The following TXK variants were observed in gnomAD, a reference collection of about 807,000 sequenced individuals.
TXK encodes tyrosine-protein kinase TXK.
In TXK, 60 loss-of-function variants were observed where a neutral mutation model predicts 81.0. The ratio of observed to expected loss-of-function variants is 0.74; its 90% CI spans 0.60 to 0.92. TXK has a LOEUF of 0.92. Ranked by LOEUF, TXK falls within the 40% of genes least tolerant of loss-of-function variation. TXK has a pLI of 0.00. For synonymous variants in TXK, 203 were observed against 210.7 expected (o/e 0.96, Z 0.32); for missense variants, 581 against 638.3 (o/e 0.91, Z 0.97).
chr4:48,079,056 T>A (rs1298966049), intron 11 of TXK, among the ~76,000 whole-genome samples: 1 of 152,248 alleles, frequency 6.6e-6, no homozygotes, highest in Non-Finnish European at 1.5e-5. Context: ...CTTACTTGGC[T>A]ATGAAATCTC....
At chr4:48,099,426 TC>T (rs1188082620) in intron 6 of TXK, among the ~76,000 whole-genome samples, 2 of 152,214 alleles carry the variant, frequency 1.3e-5, no homozygotes, top group African/African-American at 4.8e-5. Flanking sequence ...TTAATTTTTT[TC>T]TATATGAATA....
At chr4:48,090,401 G>T (rs1178913351) in intron 8 of TXK, among the ~76,000 whole-genome samples, 1 of 152,144 alleles carries the variant, frequency 6.6e-6, no homozygotes, top group Admixed American at 6.5e-5. Flanking sequence ...GTGTTGAAGT[G>T]TGCCCATTTT....
Position 48,104,988 on chromosome 4 carries a change from T to G in TXK, c.447-33A>C, listed in dbSNP as rs760831346. ...AGCAATAAAAATGATTTTTAAATTT[T>G]ATATTCAATTTTTTTAAGAAAAAAG... On this transcript the variant is annotated intron_variant, in intron 5 of 14. Coordinates refer to ENST00000264316, the MANE Select transcript of TXK (RefSeq NM_003328.3). The G allele has an allele frequency of 2.0e-6, 3 of 1,491,706 alleles. No individual in the cohort carries two copies. In the African/African-American group the frequency reaches 4.3e-5, roughly 21 times the overall value. The allele number at this position is 1,491,706 out of a possible 1,614,324, so 92.4% of individuals were successfully genotyped here. A position where few individuals can be genotyped will look rare whatever the true frequency, so the allele number is the denominator to read the frequency against.
intron 6 of TXK, among the ~76,000 whole-genome samples, chr4:48,103,204 C>G (rs35067106): frequency 2.6e-5 from 4 of 152,046 alleles, no homozygotes; most frequent in African/African-American, 4.8e-5. Flanking sequence ...TGAATCTGCA[C>G]AGCCCAGTGA....
Position 48,095,146 on chromosome 4 carries a change from C to A in TXK, c.578G>T (p.Arg193Ile). ...SYTISVFMGARRSTEAAIKHY... is the reference protein window; with the variant it reads ...SYTISVFMGAIRSTEAAIKHY... Reference sequence around the variant, plus strand: ...AACCAAAATCACAAGTGCTTACCTTCTAGCTCCCATAAATACGGAAATTGT... The same window carrying A: ...AACCAAAATCACAAGTGCTTACCTTATAGCTCCCATAAATACGGAAATTGT... The change falls in exon 7 of 15, where the codon AGA becomes ATA. Residue 193 changes from arginine (R) to isoleucine (I), a missense_variant. Physicochemically the swap from Arg to Ile is moderately conservative, Grantham distance 97. Transcript: ENST00000264316. 1 of 1,611,690 alleles carries A rather than the reference C, an allele frequency of 6.2e-7. No individual in the cohort carries two copies. Among genetic ancestry groups the A allele is most frequent in the African/African-American group, 1.3e-5 (1 of 74,942 alleles).
chr4:48,094,894 G>A (rs560962041), intron 7 of TXK, among the ~76,000 whole-genome samples: 1 of 152,292 alleles, frequency 6.6e-6, no homozygotes, highest in Admixed American at 6.5e-5. Flanking sequence ...TGAGGAAAGC[G>A]CCCAACAGCG....
chr4:48,075,360 T>C (rs1451780231), intron 12 of TXK, among the ~76,000 whole-genome samples: 1 of 152,168 alleles, frequency 6.6e-6, no homozygotes, highest in Middle Eastern at 3.4e-3. Context: ...TTTGTAATCA[T>C]AAAGAACGCC....
intron 5 of TXK, among the ~76,000 whole-genome samples, chr4:48,108,441 G>A (rs1313931230): frequency 6.6e-6 from 1 of 152,170 alleles, no homozygotes; most frequent in African/African-American, 2.4e-5. Context: ...AGAGACATTA[G>A]GTAACTCTGC....
chr4:48,084,842 TC>T lies in TXK; in HGVS notation c.956+1623del, dbSNP rs576372483. 2.2e-4 allele frequency among the ~76,000 whole-genome samples: 29 copies of T among 134,330 alleles called. No homozygotes were observed. In the South Asian group the frequency reaches 7.4e-3, roughly 34 times the overall value. 88.1% of individuals were successfully genotyped at this position (134,330 alleles called of 152,430 possible). ...TTCGAAAGAGAATGGGTCCAGTTAA[TC>T]GAGAATGGGTCCAGTTAATCGAGAA... On this transcript the variant is annotated intron_variant, in intron 10 of 14. Transcript: ENST00000264316.
At chr4:48,109,149 G>C (rs1268599919) in intron 5 of TXK, among the ~76,000 whole-genome samples, 1 of 151,148 alleles carries the variant, frequency 6.6e-6, no homozygotes, top group Non-Finnish European at 1.5e-5. Context: ...ACCTCATGAG[G>C]ACATGCTCTT....
chr4:48,125,056 T>C (rs977304915), intron 1 of TXK, among the ~76,000 whole-genome samples: 1 of 152,218 alleles, frequency 6.6e-6, no homozygotes, highest in African/African-American at 2.4e-5. Flanking sequence ...GATACTTAGA[T>C]CTTACTATAC....
intron 1 of TXK, among the ~76,000 whole-genome samples, chr4:48,117,032 T>C (rs1379435397): frequency 6.6e-6 from 1 of 152,110 alleles, no homozygotes; most frequent in East Asian, 1.9e-4. Context: ...ATTACAGGCA[T>C]GTGCCACCAC....
chr4:48,074,199 A>T, intron 12 of TXK, 146 bp from the exon 13 acceptor site: 1 of 593,674 alleles, frequency 1.7e-6, no homozygotes, highest in Non-Finnish European at 3.0e-6. Flanking sequence ...GTAGAGTGTG[A>T]AAGTGTCCCT....
intron 1 of TXK, among the ~76,000 whole-genome samples, chr4:48,124,323 C>T (rs1178078094): frequency 1.3e-5 from 2 of 152,144 alleles, no homozygotes; most frequent in Non-Finnish European, 2.9e-5. Flanking sequence ...CCAAGTGTTT[C>T]CAGGCATTGC....
At chr4:48,127,856 C>G (rs1719130941) in intron 1 of TXK, among the ~76,000 whole-genome samples, 1 of 152,210 alleles carries the variant, frequency 6.6e-6, no homozygotes, top group Non-Finnish European at 1.5e-5. Flanking sequence ...GATTTGCGCC[C>G]CTCTGTCCTC....
chr4:48,082,326 A>T (rs1304832127), intron 10 of TXK, among the ~76,000 whole-genome samples: 1 of 152,182 alleles, frequency 6.6e-6, no homozygotes, highest in African/African-American at 2.4e-5. Flanking sequence ...AGACACTGAG[A>T]CTGATAGAAC....
chr4:48,079,675 G>A (rs1560341711), intron 11 of TXK, among the ~76,000 whole-genome samples: 1 of 152,124 alleles, frequency 6.6e-6, no homozygotes, highest in East Asian at 1.9e-4. Context: ...CAATTCCTCT[G>A]TCCTGATAAA....
In TXK at chr4:48,134,025, C is replaced by A. The variant is rs186230009; in HGVS notation, c.16+130G>T. The A allele has an allele frequency of 2.5e-5, 24 of 957,724 alleles. No individual in the cohort carries two copies. In the African/African-American group the frequency reaches 3.7e-4, roughly 15 times the overall value. The allele number at this position is 957,724 out of a possible 1,614,324, so 59.3% of individuals were successfully genotyped here. On this transcript the variant is annotated intron_variant, in intron 1 of 14. Coordinates refer to ENST00000264316, the MANE Select transcript of TXK (RefSeq NM_003328.3). ...AATAAGAAACAAAACTCTGTCACAA[C>A]ATCTGAGGAAATTATCTTTTAATGT... is the stretch of plus-strand genomic sequence containing the variant.
chr4:48,117,683 T>TC (rs774264230), intron 1 of TXK, among the ~76,000 whole-genome samples: 2 of 152,246 alleles, frequency 1.3e-5, no homozygotes, highest in African/African-American at 4.8e-5. Context: ...GAGAGGCTGC[T>TC]CCAATCTCCA....
Sources: allele counts gnomAD v4.1 joint callset (sites outside exome capture counted in the v4.1 genomes callset), GRCh38; gene constraint gnomAD v4.1.1; transcripts MANE v1.5; gene names NCBI Gene and HGNC (gene_info 2026-07-23, HGNC 2026-07-21).